Variants in ABCB4 observed in about 807,000 individuals in gnomAD.
ABCB4 encodes the protein phosphatidylcholine translocator ABCB4.
Under a neutral mutation model 145.7 loss-of-function variants are expected in ABCB4, and 76 were observed. The ratio of observed to expected loss-of-function variants is 0.52; its 90% CI spans 0.43 to 0.63. ABCB4 has a LOEUF of 0.63. Ranked by LOEUF, ABCB4 falls within the 30% of genes least tolerant of loss-of-function variation. The pLI, the probability that ABCB4 is intolerant of heterozygous loss-of-function variation, is 0.00. For missense variants in ABCB4, 1,234 were observed against 1,553.1 expected, an observed-to-expected ratio of 0.79 and a Z score of 3.45; for synonymous variants, 517 against 566.8, an observed-to-expected ratio of 0.91 and a Z score of 1.25.
At chr7:87,422,299 C>A in intron 17 of ABCB4, 74 bp from the exon 18 acceptor site, 1 of 1,164,810 alleles carries the variant, frequency 8.6e-7, no homozygotes. Flanking sequence ...TAAATAGTGG[C>A]TTGAGTGTCA....
intron 14 of ABCB4, among the ~76,000 whole-genome samples, chr7:87,438,711 T>C (rs1326683607): frequency 6.6e-6 from 1 of 152,150 alleles, no homozygotes. Flanking sequence ...ATCACACGAC[T>C]GCACTCCACG....
rs568925559 is a variant in ABCB4 at position 87,410,482 on chromosome 7, A to G, written c.2925-1090T>C. On this transcript the variant is annotated intron_variant, in intron 23 of 27. Transcript: ENST00000649586. ...GCTGCATAGCTTCCCTGTACTGCCTAAAGCTGTCTTCTAGGTTTCCATAAT... is the reference window on the plus strand; with the variant it reads ...GCTGCATAGCTTCCCTGTACTGCCTGAAGCTGTCTTCTAGGTTTCCATAAT... 6.6e-5 allele frequency among the ~76,000 whole-genome samples: 10 copies of G among 152,330 alleles called. No homozygotes were observed. The East Asian group carries it at 1.9e-3, about 29-fold the overall frequency.
At chr7:87,413,557 G>A in intron 22 of ABCB4, 60 bp downstream of exon 22, 3 of 1,079,766 alleles carry the variant, frequency 2.8e-6, no homozygotes, top group Non-Finnish European at 4.3e-6. Context: ...ATCTTTTTGG[G>A]ACAATAATTC....
At chr7:87,406,839 A>G (rs1808233407) in intron 25 of ABCB4, among the ~76,000 whole-genome samples, 2 of 152,188 alleles carry the variant, frequency 1.3e-5, no homozygotes, top group Non-Finnish European at 2.9e-5. Context: ...TGTCCCCAGA[A>G]TAATCCTAAC....
the ABCB4 span, among the ~76,000 whole-genome samples, chr7:87,377,780 A>T: frequency 6.6e-6 from 1 of 152,162 alleles, no homozygotes; most frequent in Admixed American, 6.6e-5. Flanking sequence ...TATGTGTTCT[A>T]TGCAGAGCAA....
intron 4 of ABCB4, among the ~76,000 whole-genome samples, chr7:87,458,125 TCAAA>T (rs1812219262): frequency 6.6e-6 from 1 of 152,176 alleles, no homozygotes; most frequent in African/African-American, 2.4e-5. Context: ...ATTTTTCCCC[TCAAA>T]CAAGAGGCAA....
At chr7:87,376,539 T>C in the ABCB4 span, among the ~76,000 whole-genome samples, 1 of 152,104 alleles carries the variant, frequency 6.6e-6, no homozygotes, top group Non-Finnish European at 1.5e-5. Context: ...CTCATAGTCT[T>C]TTGAAAATAC....
At chr7:87,422,266 C>CTGATCCTTCTTCATTCCTCTCATAAAT (rs1363053161) in intron 17 of ABCB4, 41 bp from the exon 18 acceptor site, 2 of 1,436,136 alleles carry the variant, frequency 1.4e-6, no homozygotes, top group South Asian at 1.2e-5. Flanking sequence ...GATTACATAA[C>CTGATCCTTCTTCATTCCTCTCATAAAT]TGATCCTTCT....
chr7:87,450,874 T>C (rs1149220), intron 7 of ABCB4, among the ~76,000 whole-genome samples: 2,492 of 152,308 alleles, frequency 0.016, 27 homozygotes, highest in Non-Finnish European at 0.029. Context: ...GTTCACTGTG[T>C]AAATCATCAA....
At chr7:87,451,482 C>A in intron 7 of ABCB4, 141 bp downstream of exon 7, 1 of 865,588 alleles carries the variant, frequency 1.2e-6, no homozygotes, top group Non-Finnish European at 1.8e-6. Flanking sequence ...ATGAAAGCAT[C>A]ATATTAACAC....
In ABCB4 at chr7:87,404,167, G is replaced by C. The variant is rs1049068254; in HGVS notation, c.3487-886C>G. On this transcript the variant is annotated intron_variant, in intron 26 of 27. Coordinates refer to ENST00000649586, the MANE Select transcript of ABCB4 (RefSeq NM_000443.4). Reference sequence around the variant, plus strand: ...GTTGGTAAGGCTAACCAAAATGAAAGGGTTTTAAAATTTTATTTGTGGGTG... The same window carrying C: ...GTTGGTAAGGCTAACCAAAATGAAACGGTTTTAAAATTTTATTTGTGGGTG... Among the ~76,000 whole-genome samples, 3 of 152,236 alleles carry C rather than the reference G, an allele frequency of 2.0e-5. No individual in the cohort carries two copies. In the East Asian group the frequency reaches 5.8e-4, roughly 29 times the overall value.
At chr7:87,367,020 C>G in the ABCB4 span, among the ~76,000 whole-genome samples, 1 of 152,220 alleles carries the variant, frequency 6.6e-6, no homozygotes, top group Non-Finnish European at 1.5e-5. Context: ...ATCTTCCCAT[C>G]ATGACATTTA....
At position 87,401,835 on chromosome 7, in the gene ABCB4, T is replaced by C. The variant is rs934733908; in HGVS notation, c.*261A>G. 1 of 610,056 alleles carries C rather than the reference T, an allele frequency of 1.6e-6. No homozygotes were observed. Among genetic ancestry groups the C allele is most frequent in the Non-Finnish European group, 3.0e-6 (1 of 331,860 alleles). The allele number at this position is 610,056 out of a possible 1,614,324, so 37.8% of individuals were successfully genotyped here. A position where few individuals can be genotyped will look rare whatever the true frequency, so the allele number is the denominator to read the frequency against. ...TATATTTCTACACCTGTACTTACCT[T>C]GAATTTTGTTCTTTTTCTGGATGTT... On this transcript the variant is annotated 3_prime_UTR_variant, in exon 28 of 28. Transcript: ENST00000649586.
chr7:87,367,895 C>T, the ABCB4 span, among the ~76,000 whole-genome samples: 1,165 of 152,326 alleles, frequency 7.6e-3, 16 homozygotes, highest in African/African-American at 0.025. Flanking sequence ...CACCTCCTAA[C>T]TTGGCATACC....
chr7:87,394,869 A>G, the ABCB4 span, among the ~76,000 whole-genome samples: 1 of 152,156 alleles, frequency 6.6e-6, no homozygotes, highest in African/African-American at 2.4e-5. Context: ...TAAAAATGTC[A>G]AGATAACAGG....
intron 26 of ABCB4, 91 bp from the exon 27 acceptor site, chr7:87,403,372 A>G: frequency 1.6e-6 from 2 of 1,238,468 alleles, no homozygotes; most frequent in Non-Finnish European, 2.4e-6. Flanking sequence ...AGAGTCAATA[A>G]CAGTTTCTAT....
At chr7:87,433,490 A>T (rs944466106) in intron 14 of ABCB4, among the ~76,000 whole-genome samples, 2 of 152,160 alleles carry the variant, frequency 1.3e-5, no homozygotes, top group African/African-American at 4.8e-5. Flanking sequence ...TATTATCATG[A>T]TGATGATAAT....
chr7:87,427,478 T>C (rs1368510364), intron 15 of ABCB4, among the ~76,000 whole-genome samples: 11 of 152,138 alleles, frequency 7.2e-5, no homozygotes, highest in Non-Finnish European at 1.3e-4. Context: ...GTTCTCTTTT[T>C]AATGGGAATG....
chr7:87,419,449 A>T (rs1224492110), intron 19 of ABCB4, among the ~76,000 whole-genome samples: 1 of 152,258 alleles, frequency 6.6e-6, no homozygotes, highest in African/African-American at 2.4e-5. Context: ...TGGATTATAC[A>T]GTACCAGCCA....
Sources: gnomAD v4.1 joint callset for allele counts (sites outside exome capture counted in the v4.1 genomes callset) on GRCh38, gnomAD v4.1.1 for gene constraint, MANE v1.5 for transcripts, NCBI Gene and HGNC (gene_info 2026-07-23, HGNC 2026-07-21) for gene names.